LYRM9: variants seen among roughly 807,000 people sequenced by gnomAD.
LYRM9 encodes the protein LYR motif containing 9.
A neutral mutation model predicts 12.6 loss-of-function variants in LYRM9; 14 were observed. The observed-to-expected ratio is 1.11, with a 90% CI of 0.73 to 1.73. The LOEUF (loss-of-function observed/expected upper bound fraction) is 1.73, where lower values mean the gene tolerates loss of function less well. Ranked by LOEUF, LYRM9 falls within the 40% of genes most tolerant of loss-of-function variation. The probability of loss-of-function intolerance (pLI) is 0.00; values close to 1 mark genes in which losing one functional copy is unlikely to be tolerated. For synonymous variants in LYRM9, 42 were observed against 35.1 expected (o/e 1.20, Z -0.69); for missense variants, 94 against 95.0 (o/e 0.99, Z 0.04).
In LYRM9 at chr17:27,882,468, C is replaced by G. The variant is rs908203111; in HGVS notation, c.126+101G>C. ...TCTTCCCACACTGCCACCTCACCAC[C>G]ATCTCAGAGACTAGCTCTGTGCCCT... On this transcript the variant is annotated intron_variant, in intron 2 of 3. Coordinates refer to ENST00000379102, the MANE Select transcript of LYRM9 (RefSeq NM_001076680.3). The G allele has an allele frequency of 6.4e-6, 9 of 1,395,938 alleles. No homozygotes were observed. The Admixed American group carries it at 9.0e-5, about 14-fold the overall frequency. The allele number at this position is 1,395,938 out of a possible 1,614,324, so 86.5% of individuals were successfully genotyped here. A position where few individuals can be genotyped will look rare whatever the true frequency, so the allele number is the denominator to read the frequency against.
rs114546301 is a variant in LYRM9 at position 27,885,104 on chromosome 17, A to G, written c.-18-2392T>C. Among the ~76,000 whole-genome samples the G allele has an allele frequency of 4.4e-3, 667 of 152,162 alleles. 4 individuals are homozygous for G. The highest frequency in any genetic ancestry group is 0.015 in the African/African-American group (612 of 41,536). On this transcript the variant is annotated intron_variant, in intron 1 of 3. Coordinates refer to ENST00000379102, the MANE Select transcript of LYRM9 (RefSeq NM_001076680.3). The stretch of plus-strand genomic sequence containing the variant: ...ATTCTCCCTTCTAGTAACAGCCCCA[A>G]TGTGTGATCTGGGGTGCACCCCTCC...
At chr17:27,889,375 T>C (rs976993256) in intron 1 of LYRM9, among the ~76,000 whole-genome samples, 4 of 152,038 alleles carry the variant, frequency 2.6e-5, no homozygotes, top group Non-Finnish European at 5.9e-5. Flanking sequence ...TGGCGCAATC[T>C]TGGCTCACTG....
chr17:27,885,807 C>T (rs537412066), intron 1 of LYRM9, among the ~76,000 whole-genome samples: 1 of 152,054 alleles, frequency 6.6e-6, no homozygotes, highest in South Asian at 2.1e-4. Context: ...CCAATTAATC[C>T]CCTTTCACCA....
Position 27,879,305 on chromosome 17 carries a change from C to T in LYRM9, c.*168G>A. 1 of 586,772 alleles carries T rather than the reference C, an allele frequency of 1.7e-6. No individual in the cohort carries two copies. The highest frequency in any genetic ancestry group is 2.8e-6 in the Non-Finnish European group (1 of 359,314). 36.3% of individuals were successfully genotyped at this position (586,772 alleles called of 1,614,324 possible). On this transcript the variant is annotated 3_prime_UTR_variant, in exon 4 of 4. Transcript: ENST00000379102. ...GAAGTGCAAACATAAAGGATGCTAG[C>T]AACATGGCCGCGGCAAGAGGAGCCT...
chr17:27,879,474 C>A lies in LYRM9; in HGVS notation c.236G>T (p.Ter79LeuextTer5). 1 of 1,551,716 alleles carries A rather than the reference C, an allele frequency of 6.4e-7. No homozygotes were observed. The highest frequency in any genetic ancestry group is 1.2e-5 in the South Asian group (1 of 84,020). Reference protein sequence around the residue: ...WIMNKYKKQN* With the variant: ...WIMNKYKKQNL ...CAGGAAGGCTCACCCTCGGAGCTCT[C>A]AGTTTTGTTTTTTATACTGCAAGAC... The change falls in exon 4 of 4, where the codon TGA becomes TTA. Residue 79 changes from the stop codon to leucine, a stop_lost. Coordinates refer to ENST00000379102, the MANE Select transcript of LYRM9 (RefSeq NM_001076680.3).
intron 1 of LYRM9, among the ~76,000 whole-genome samples, chr17:27,885,552 A>C (rs987650483): frequency 6.6e-6 from 1 of 152,020 alleles, no homozygotes; most frequent in Non-Finnish European, 1.5e-5. Context: ...CTCTACAAAA[A>C]ATAAAAAATT....
At chr17:27,885,478 C>T (rs1013397720) in intron 1 of LYRM9, among the ~76,000 whole-genome samples, 8 of 151,948 alleles carry the variant, frequency 5.3e-5, no homozygotes, top group Admixed American at 6.5e-5. Flanking sequence ...TGGCAGGCTG[C>T]GATGGGTGGA....
chr17:27,881,511 C>G (rs1174727526), intron 2 of LYRM9, among the ~76,000 whole-genome samples: 4 of 151,704 alleles, frequency 2.6e-5, no homozygotes, highest in African/African-American at 4.8e-5. Context: ...AATGATTTCT[C>G]ACTTACAGAA....
At chr17:27,892,022 C>G (rs1323300980) in intron 1 of LYRM9, 1 of 158,920 alleles carries the variant, frequency 6.3e-6, no homozygotes, top group East Asian at 1.9e-4. Context: ...GTCACAACTG[C>G]CCGGGCTCAA....
intron 1 of LYRM9, among the ~76,000 whole-genome samples, chr17:27,885,727 A>T (rs1012820693): frequency 1.4e-5 from 2 of 147,086 alleles, no homozygotes; most frequent in Non-Finnish European, 3.0e-5. Flanking sequence ...AAAAAAAAAA[A>T]GAATTCATTT....
chr17:27,886,654 T>C lies in LYRM9; in HGVS notation c.-18-3942A>G, dbSNP rs1363007734. ...TTCTTTCTTTTCTTTTCTTTTTTTA[T>C]TTTTTTTTTTTTGAGACAGAGTTTC... On this transcript the variant is annotated intron_variant, in intron 1 of 3. Transcript: ENST00000379102. This position sits in a 1 kb window ranked among gnomAD's most constrained non-coding sequence, Gnocchi z 4.8. Among the ~76,000 whole-genome samples, 6 of 7,842 alleles carry C rather than the reference T, an allele frequency of 7.7e-4. No homozygotes were observed. Among genetic ancestry groups the C allele is most frequent in the African/African-American group, 5.9e-3 (4 of 678 alleles). 5.1% of individuals were successfully genotyped at this position (7,842 alleles called of 152,430 possible). A position where few individuals can be genotyped will look rare whatever the true frequency, so the allele number is the denominator to read the frequency against.
At chr17:27,888,987 T>C (rs1487639611) in intron 1 of LYRM9, among the ~76,000 whole-genome samples, 2 of 152,196 alleles carry the variant, frequency 1.3e-5, no homozygotes, top group Non-Finnish European at 2.9e-5. Context: ...TTATTCACAG[T>C]CAACTATCCC....
At position 27,880,324 on chromosome 17, in the gene LYRM9, G is replaced by A; in HGVS notation, c.169C>T (p.Gln57Ter). Residue 57 changes from glutamine to a stop codon, truncating the protein, a stop_gained, in exon 3 of 4, where the codon CAG becomes TAG. Transcript: ENST00000379102. LOFTEE classifies it high-confidence loss of function. Reference protein sequence around the residue: ...HSDEDNPERIQQIIKRAIEDA... With the variant: ...HSDEDNPERI ...TCAATGGCTCTTTTAATAATCTGCT[G>A]GATTCTCTCAGGGTTGTCTTCATCT... 6.2e-7 allele frequency: 1 copy of A among 1,610,164 alleles called. No homozygotes were observed.
intron 1 of LYRM9, among the ~76,000 whole-genome samples, chr17:27,883,976 C>A (rs1203062521): frequency 6.8e-6 from 1 of 147,188 alleles, no homozygotes; most frequent in African/African-American, 2.5e-5. Flanking sequence ...CCGTCATAAT[C>A]AAGAGAGTTA....
intron 1 of LYRM9, among the ~76,000 whole-genome samples, chr17:27,887,846 A>T (rs957156561): frequency 2.0e-5 from 3 of 152,078 alleles, no homozygotes; most frequent in Non-Finnish European, 4.4e-5. Flanking sequence ...CCAATGTCCC[A>T]GTTCAAGCAC....
At chr17:27,888,943 T>C (rs1310053208) in intron 1 of LYRM9, among the ~76,000 whole-genome samples, 1 of 151,972 alleles carries the variant, frequency 6.6e-6, no homozygotes, top group Non-Finnish European at 1.5e-5. Context: ...TGGGACAAAA[T>C]CTTCCCTCAC....
At chr17:27,885,007 AAT>A (rs960802220) in intron 1 of LYRM9, among the ~76,000 whole-genome samples, 2 of 152,158 alleles carry the variant, frequency 1.3e-5, no homozygotes, top group African/African-American at 2.4e-5. Context: ...TACGTTAGCC[AAT>A]TCCTCCTGGT....
chr17:27,882,482 GCT>G, intron 2 of LYRM9, 85 bp downstream of exon 2: 1 of 1,431,812 alleles, frequency 7.0e-7, no homozygotes, highest in Admixed American at 2.6e-5. Context: ...TCAGAGACTA[GCT>G]CTGTGCCCTG....
rs1394354704 is a variant in LYRM9, at chr17:27,886,746, A to T, written c.-18-4034T>A. On this transcript the variant is annotated intron_variant, in intron 1 of 3. Coordinates refer to ENST00000379102, the MANE Select transcript of LYRM9 (RefSeq NM_001076680.3). The surrounding 1 kb of genome is among the most constrained non-coding windows in gnomAD (Gnocchi z 4.8). Reference sequence around the variant, plus strand: ...CCGCAACCTCCGCCTCCTGGGTTTAAGCAATTCTCCTGCCTCAGCCTCCTG... The same window carrying T: ...CCGCAACCTCCGCCTCCTGGGTTTATGCAATTCTCCTGCCTCAGCCTCCTG... 6.6e-6 allele frequency among the ~76,000 whole-genome samples: 1 copy of T among 151,718 alleles called. No homozygotes were observed. The highest frequency in any genetic ancestry group is 2.4e-5 in the African/African-American group (1 of 41,238).
Sources: allele counts gnomAD v4.1 joint callset (sites outside exome capture counted in the v4.1 genomes callset), GRCh38; gene constraint gnomAD v4.1.1; non-coding constraint Gnocchi (gnomAD v3.1); transcripts MANE v1.5; gene names NCBI Gene and HGNC (gene_info 2026-07-23, HGNC 2026-07-21).